Variants in ZBTB16 observed in about 807,000 individuals in gnomAD.
ZBTB16 encodes zinc finger and BTB domain containing 16, also known as zinc finger and BTB domain-containing protein 16.
A neutral mutation model predicts 56.8 loss-of-function variants in ZBTB16; 8 were observed. The ratio of observed to expected loss-of-function variants is 0.14; its 90% CI spans 0.08 to 0.25. ZBTB16 has a LOEUF of 0.25. Ranked by LOEUF, ZBTB16 falls within the 10% of genes least tolerant of loss-of-function variation. The pLI, the probability that ZBTB16 is intolerant of heterozygous loss-of-function variation, is 1.00. For missense variants in ZBTB16, 625 were observed against 903.0 expected, an observed-to-expected ratio of 0.69 and a Z score of 3.95; for synonymous variants, 363 against 368.5, an observed-to-expected ratio of 0.98 and a Z score of 0.17.
chr11:114,125,971 C>T (rs1356417637), intron 2 of ZBTB16, among the ~76,000 whole-genome samples: 1 of 152,152 alleles, frequency 6.6e-6, no homozygotes, highest in Admixed American at 6.5e-5. Flanking sequence ...TTTGCACACT[C>T]CAACTCTTGG....
intron 3 of ZBTB16, among the ~76,000 whole-genome samples, chr11:114,157,093 GTC>G (rs144371897): frequency 0.013 from 1,974 of 152,280 alleles, 23 homozygotes; most frequent in African/African-American, 0.039. Flanking sequence ...CAGGTGCATA[GTC>G]TCTTCCCTTT....
At chr11:114,183,972 G>A (rs1248495654) in intron 3 of ZBTB16, among the ~76,000 whole-genome samples, 3 of 152,252 alleles carry the variant, frequency 2.0e-5, no homozygotes, top group African/African-American at 7.2e-5. Context: ...AGGATGCCCT[G>A]TGGCGTGAAG....
At chr11:114,174,114 G>T (rs1033502249) in intron 3 of ZBTB16, among the ~76,000 whole-genome samples, 2 of 152,160 alleles carry the variant, frequency 1.3e-5, no homozygotes, top group African/African-American at 4.8e-5. Flanking sequence ...GGAGAAACAG[G>T]CCAAGAAAAG....
intron 2 of ZBTB16, among the ~76,000 whole-genome samples, chr11:114,136,264 A>G (rs1941795533): frequency 6.6e-6 from 1 of 152,112 alleles, no homozygotes; most frequent in South Asian, 2.1e-4. Flanking sequence ...CTATCTCGGC[A>G]TTTTGCAAAG....
chr11:114,150,109 G>C (rs1320279289), intron 2 of ZBTB16, among the ~76,000 whole-genome samples: 1 of 152,176 alleles, frequency 6.6e-6, no homozygotes, highest in Non-Finnish European at 1.5e-5. Context: ...AATACATAAG[G>C]AGAATGACAC....
intron 2 of ZBTB16, among the ~76,000 whole-genome samples, chr11:114,128,857 C>T (rs1026965809): frequency 4.3e-4 from 65 of 152,198 alleles, no homozygotes; most frequent in African/African-American, 1.5e-3. Flanking sequence ...ACTGAAGCAG[C>T]CCAGAGGCGG....
At chr11:114,197,620 T>C (rs1185742836) in intron 4 of ZBTB16, among the ~76,000 whole-genome samples, 1 of 146,948 alleles carries the variant, frequency 6.8e-6, no homozygotes, top group Non-Finnish European at 1.5e-5. Context: ...AACTTCAGAG[T>C]AGAAAATGAA....
chr11:114,167,241 T>G (rs1223490906), intron 3 of ZBTB16, among the ~76,000 whole-genome samples: 9 of 137,842 alleles, frequency 6.5e-5, no homozygotes, highest in East Asian at 6.4e-4. Flanking sequence ...GGTTTTTTTT[T>G]TTTTTTTTTT....
chr11:114,067,188 C>T (rs571389827), intron 2 of ZBTB16, among the ~76,000 whole-genome samples: 2 of 152,274 alleles, frequency 1.3e-5, no homozygotes, highest in East Asian at 3.9e-4. Flanking sequence ...GGAGAACTGA[C>T]CATCTGTCCC....
intron 2 of ZBTB16, among the ~76,000 whole-genome samples, chr11:114,151,829 C>T (rs1942285963): frequency 6.6e-6 from 1 of 152,224 alleles, no homozygotes; most frequent in Admixed American, 6.5e-5. Flanking sequence ...AGAGAGTAGA[C>T]ATGGTGGATG....
intron 5 of ZBTB16, among the ~76,000 whole-genome samples, chr11:114,243,307 C>A (rs1242402188): frequency 1.3e-5 from 2 of 152,216 alleles, no homozygotes; most frequent in Non-Finnish European, 2.9e-5. Flanking sequence ...CGTAAAGGAA[C>A]AGTAGGCCCT....
chr11:114,125,888 G>A (rs1452449994), intron 2 of ZBTB16, among the ~76,000 whole-genome samples: 1 of 152,182 alleles, frequency 6.6e-6, no homozygotes, highest in Admixed American at 6.5e-5. Context: ...AGGCAACAGA[G>A]GGAACAAAAG....
chr11:114,237,724 C>T (rs993147732), intron 4 of ZBTB16, among the ~76,000 whole-genome samples: 28 of 152,226 alleles, frequency 1.8e-4, no homozygotes, highest in African/African-American at 4.6e-4. Flanking sequence ...TAGGCTGAAA[C>T]GCCAGCAAAT....
chr11:114,159,936 G>GC (rs1942529992), intron 3 of ZBTB16, among the ~76,000 whole-genome samples: 1 of 143,958 alleles, frequency 6.9e-6, no homozygotes, highest in South Asian at 2.2e-4. Context: ...GGCGGGGGAG[G>GC]CGGGGGGGAG....
chr11:114,182,092 C>T (rs554604035), intron 3 of ZBTB16, among the ~76,000 whole-genome samples: 56 of 152,308 alleles, frequency 3.7e-4, no homozygotes, highest in South Asian at 1.7e-3. Flanking sequence ...ACTCCTGTTT[C>T]CCAGGCTGGA....
At chr11:114,139,288 G>A (rs1941881634) in intron 2 of ZBTB16, among the ~76,000 whole-genome samples, 1 of 152,124 alleles carries the variant, frequency 6.6e-6, no homozygotes, top group South Asian at 2.1e-4. Flanking sequence ...CAGTCCTGAA[G>A]GGGATGGGGG....
At chr11:114,244,842 G>T (rs532247275) in intron 5 of ZBTB16, among the ~76,000 whole-genome samples, 2 of 152,160 alleles carry the variant, frequency 1.3e-5, no homozygotes, top group Admixed American at 1.3e-4. Context: ...ACAGGCAGCC[G>T]CCCCCTTCCC....
intron 3 of ZBTB16, among the ~76,000 whole-genome samples, chr11:114,179,280 TAGAGAG>T (rs113097570): frequency 7.5e-4 from 112 of 149,818 alleles, no homozygotes; most frequent in Non-Finnish European, 1.4e-3. Context: ...GAGAGAGAGC[TAGAGAG>T]AGAGAGAGAG....
At chr11:114,185,298 C>T (rs568587680) in intron 3 of ZBTB16, among the ~76,000 whole-genome samples, 1 of 152,260 alleles carries the variant, frequency 6.6e-6, no homozygotes, top group East Asian at 1.9e-4. Context: ...GAGTAAGGGA[C>T]TTGAGTGCTT....
Sources: allele counts gnomAD v4.1 joint callset (sites outside exome capture counted in the v4.1 genomes callset), GRCh38; gene constraint gnomAD v4.1.1; transcripts MANE v1.5; gene names NCBI Gene and HGNC (gene_info 2026-07-23, HGNC 2026-07-21).